LPGAT1: variants seen among roughly 807,000 people sequenced by gnomAD.
The protein encoded by LPGAT1 is lysophosphatidylglycerol acyltransferase 1.
A neutral mutation model predicts 47.5 loss-of-function variants in LPGAT1; 11 were observed. That is an observed-to-expected ratio of 0.23 (90% CI 0.15 to 0.38). LPGAT1 has a LOEUF of 0.38. Ranked by LOEUF, LPGAT1 falls within the 10% of genes least tolerant of loss-of-function variation. The probability of loss-of-function intolerance (pLI) is 1.00; values close to 1 mark genes in which losing one functional copy is unlikely to be tolerated. For synonymous variants in LPGAT1, 138 were observed against 144.2 expected, an observed-to-expected ratio of 0.96 and a Z score of 0.31; for missense variants, 293 against 439.0, an observed-to-expected ratio of 0.67 and a Z score of 2.97.
intron 5 of LPGAT1, among the ~76,000 whole-genome samples, chr1:211,782,881 T>C (rs1351794997): frequency 1.3e-5 from 2 of 152,228 alleles, no homozygotes; most frequent in Non-Finnish European, 2.9e-5. Flanking sequence ...TATAGTTATA[T>C]CTTTTAGCCT....
chr1:211,776,364 C>T (rs1171681987), intron 6 of LPGAT1, among the ~76,000 whole-genome samples: 1 of 152,076 alleles, frequency 6.6e-6, no homozygotes, highest in Non-Finnish European at 1.5e-5. Flanking sequence ...TGGTGAAACC[C>T]AGCCTCTACT....
rs140498655 is a variant in LPGAT1, at chr1:211,829,453, G to A, written c.-27-130C>T. 27 of 1,453,248 alleles carry A rather than the reference G, an allele frequency of 1.9e-5. No individual in the cohort carries two copies. The South Asian group carries it at 2.3e-4, about 13-fold the overall frequency. 90.0% of individuals were successfully genotyped at this position (1,453,248 alleles called of 1,614,324 possible). A position where few individuals can be genotyped will look rare whatever the true frequency, so the allele number is the denominator to read the frequency against. ...CGAAGCTTTCCGGGTGTAGTACCTC[G>A]GTGATCTCTCAGGGGAAATTCCAGA... On this transcript the variant is annotated intron_variant, in intron 1 of 7. Transcript: ENST00000366997.
intron 2 of LPGAT1, among the ~76,000 whole-genome samples, chr1:211,817,363 G>A (rs112077318): frequency 5.3e-5 from 8 of 152,210 alleles, no homozygotes; most frequent in East Asian, 1.9e-4. Flanking sequence ...CCTAAGGTCC[G>A]GAGTTCGAGA....
intron 2 of LPGAT1, among the ~76,000 whole-genome samples, chr1:211,828,343 A>C (rs1170280543): frequency 1.3e-5 from 2 of 152,238 alleles, no homozygotes; most frequent in Non-Finnish European, 2.9e-5. Context: ...CAAAGCATAT[A>C]AGGTTTATCT....
At chr1:211,802,095 A>G (rs561536939) in intron 2 of LPGAT1, among the ~76,000 whole-genome samples, 320 of 151,400 alleles carry the variant, frequency 2.1e-3, no homozygotes, top group African/African-American at 7.3e-3. Context: ...CTCAAAAAAA[A>G]AAAAAAAGAG....
intron 2 of LPGAT1, among the ~76,000 whole-genome samples, chr1:211,804,139 CA>C (rs1420439326): frequency 6.6e-6 from 1 of 152,166 alleles, no homozygotes; most frequent in Non-Finnish European, 1.5e-5. Context: ...GTGGCACAAT[CA>C]AAGCTCACTG....
At chr1:211,805,926 C>T (rs908879086) in intron 2 of LPGAT1, among the ~76,000 whole-genome samples, 11 of 152,032 alleles carry the variant, frequency 7.2e-5, no homozygotes, top group African/African-American at 2.7e-4. Context: ...TATACCATGA[C>T]CAAGTTAGGT....
At chr1:211,816,784 A>G (rs1048068525) in intron 2 of LPGAT1, among the ~76,000 whole-genome samples, 1 of 152,228 alleles carries the variant, frequency 6.6e-6, no homozygotes, top group Non-Finnish European at 1.5e-5. Flanking sequence ...TGAAGCTCAG[A>G]GAAATTAAGC....
chr1:211,781,586 ACT>A (rs1386318443), intron 5 of LPGAT1, among the ~76,000 whole-genome samples: 1 of 151,994 alleles, frequency 6.6e-6, no homozygotes, highest in Non-Finnish European at 1.5e-5. Flanking sequence ...TAAAAGGAAA[ACT>A]CAGTTAAATC....
intron 2 of LPGAT1, 93 bp from the exon 3 acceptor site, chr1:211,793,283 G>A (rs1659211259): frequency 1.4e-6 from 1 of 727,902 alleles, no homozygotes; most frequent in East Asian, 2.8e-5. Flanking sequence ...TATTAATGAT[G>A]ATATGTCACC....
In LPGAT1 at chr1:211,787,682, T is replaced by G; in HGVS notation, c.403A>C (p.Thr135Pro). ...MWLMDHIFKY[T>P]NFGIVSLVHG... ...ACTAGAGAAACAATTCCAAAGTTTG[T>G]GTACTTAAAAATATGATCCATCAAC... Residue 135 changes from threonine (T) to proline (P), a missense_variant, in exon 4 of 8, where the codon ACA becomes CCA. By Grantham distance (38) the Thr-to-Pro change is conservative. Coordinates refer to ENST00000366997, the MANE Select transcript of LPGAT1 (RefSeq NM_014873.3). 6.2e-7 allele frequency: 1 copy of G among 1,609,772 alleles called. No homozygotes were observed. Among genetic ancestry groups the G allele is most frequent in the Non-Finnish European group, 8.5e-7 (1 of 1,178,036 alleles).
At chr1:211,796,627 C>T (rs1281381993) in intron 2 of LPGAT1, among the ~76,000 whole-genome samples, 1 of 152,124 alleles carries the variant, frequency 6.6e-6, no homozygotes, top group Non-Finnish European at 1.5e-5. Flanking sequence ...TATGGCAGCC[C>T]TAAGGAATTA....
At chr1:211,820,613 G>C (rs1472242083) in intron 2 of LPGAT1, among the ~76,000 whole-genome samples, 2 of 150,496 alleles carry the variant, frequency 1.3e-5, no homozygotes, top group Non-Finnish European at 3.0e-5. Flanking sequence ...ACAAAGAAGA[G>C]ACGTTGCAGA....
At chr1:211,817,973 T>TACAGGTATGCACGC (rs1660236691) in intron 2 of LPGAT1, among the ~76,000 whole-genome samples, 2 of 152,124 alleles carry the variant, frequency 1.3e-5, no homozygotes, top group Admixed American at 6.5e-5. Flanking sequence ...TAGCTAGGAC[T>TACAGGTATGCACGC]ACAGGTATGC....
intron 2 of LPGAT1, among the ~76,000 whole-genome samples, chr1:211,804,012 G>T (rs975405740): frequency 6.6e-6 from 1 of 152,084 alleles, no homozygotes; most frequent in Non-Finnish European, 1.5e-5. Flanking sequence ...GCCTGCCTCG[G>T]CCTCCCAAAG....
intron 6 of LPGAT1, among the ~76,000 whole-genome samples, chr1:211,770,789 G>A (rs879007233): frequency 1.3e-5 from 2 of 152,078 alleles, no homozygotes; most frequent in Non-Finnish European, 2.9e-5. Flanking sequence ...TATAGTAGGC[G>A]TATCATTTTA....
intron 2 of LPGAT1, among the ~76,000 whole-genome samples, chr1:211,816,373 A>G (rs1296061372): frequency 6.6e-6 from 1 of 152,124 alleles, no homozygotes; most frequent in Non-Finnish European, 1.5e-5. Context: ...AATATCTGAC[A>G]CAGAGAAGGC....
At chr1:211,799,105 A>T (rs972487444) in intron 2 of LPGAT1, among the ~76,000 whole-genome samples, 2 of 151,338 alleles carry the variant, frequency 1.3e-5, no homozygotes, top group African/African-American at 2.4e-5. Flanking sequence ...GTTTAATTTT[A>T]TTTTTTTTTA....
intron 6 of LPGAT1, among the ~76,000 whole-genome samples, chr1:211,772,558 G>A (rs939787202): frequency 6.6e-6 from 1 of 152,124 alleles, no homozygotes; most frequent in African/African-American, 2.4e-5. Context: ...GTGAACACAA[G>A]TATTATCTTT....
Sources: allele counts gnomAD v4.1 joint callset (sites outside exome capture counted in the v4.1 genomes callset), GRCh38; gene constraint gnomAD v4.1.1; transcripts MANE v1.5; gene names NCBI Gene and HGNC (gene_info 2026-07-23, HGNC 2026-07-21).